Variants in LAMC3 observed in about 807,000 individuals in gnomAD.
The protein encoded by LAMC3 is laminin subunit gamma 3, also known as laminin subunit gamma-3.
In LAMC3, 128 loss-of-function variants were observed where a neutral mutation model predicts 173.8. The ratio of observed to expected loss-of-function variants is 0.74; its 90% confidence interval spans 0.64 to 0.85. The LOEUF (loss-of-function observed/expected upper bound fraction) is 0.85, where lower values mean the gene tolerates loss of function less well. Ranked by LOEUF, LAMC3 falls within the 40% of genes least tolerant of loss-of-function variation. The pLI, the probability that LAMC3 is intolerant of heterozygous loss-of-function variation, is 0.00. For synonymous variants in LAMC3, 897 were observed against 909.1 expected, an observed-to-expected ratio of 0.99 and a Z score of 0.24; for missense variants, 2,022 against 2,156.0, an observed-to-expected ratio of 0.94 and a Z score of 1.23.
intron 23 of LAMC3, 53 bp from the exon 24 acceptor site, chr9:131,082,006 T>C (rs748266649): frequency 3.3e-4 from 471 of 1,429,930 alleles, no homozygotes; most frequent in Non-Finnish European, 4.0e-4. Context: ...GAGCTGCCCC[T>C]GGGCCCTGCT....
At position 131,087,710 on chromosome 9, in the gene LAMC3, C is replaced by A. The variant is rs573976746; in HGVS notation, c.4378-8C>A. 6 of 1,613,876 alleles carry A rather than the reference C, an allele frequency of 3.7e-6. No homozygotes were observed. In the African/African-American group the frequency reaches 5.3e-5, roughly 14 times the overall value. On this transcript the variant is annotated splice_polypyrimidine_tract_variant and splice_region_variant and intron_variant, in intron 26 of 27. Coordinates refer to ENST00000361069, the MANE Select transcript of LAMC3 (RefSeq NM_006059.4). ...ATTCAAGCTGTTTCTTCCTCCTCCC[C>A]CTGAAAGGTGGGTGCTGGGCTGAGC...
chr9:131,032,299 G>T (rs1833839491), intron 3 of LAMC3, 124 bp downstream of exon 3: 5 of 843,324 alleles, frequency 5.9e-6, no homozygotes, highest in Non-Finnish European at 9.9e-6. Context: ...GGGAGAGGGA[G>T]GGAGCACCTG....
At chr9:131,017,131 G>A (rs571177880) in intron 1 of LAMC3, among the ~76,000 whole-genome samples, 4 of 152,282 alleles carry the variant, frequency 2.6e-5, no homozygotes, top group African/African-American at 7.2e-5. Context: ...GAACGAGGTG[G>A]GGGGCTGGCC....
intron 4 of LAMC3, 87 bp downstream of exon 4, chr9:131,036,419 G>GA: frequency 6.7e-7 from 1 of 1,502,140 alleles, no homozygotes; most frequent in Non-Finnish European, 9.1e-7. Context: ...TCGTGGTGGG[G>GA]GCTGCTCCTG....
intron 27 of LAMC3, among the ~76,000 whole-genome samples, chr9:131,089,656 G>A (rs915399566): frequency 1.3e-5 from 2 of 151,432 alleles, no homozygotes; most frequent in Non-Finnish European, 2.9e-5. Flanking sequence ...CCAAAGTGCT[G>A]GGATCACAAG....
At chr9:131,056,292 G>A (rs1447867695) in intron 11 of LAMC3, among the ~76,000 whole-genome samples, 1 of 152,084 alleles carries the variant, frequency 6.6e-6, no homozygotes, top group African/African-American at 2.4e-5. Context: ...AGTAGCCCAG[G>A]TGAGTTTCCT....
intron 11 of LAMC3, among the ~76,000 whole-genome samples, chr9:131,055,255 C>G (rs992519831): frequency 6.6e-6 from 1 of 152,070 alleles, no homozygotes; most frequent in Non-Finnish European, 1.5e-5. Flanking sequence ...TCGGCCGCCT[C>G]CAGTCTCCCT....
At chr9:131,066,514 A>G (rs898041159) in intron 13 of LAMC3, among the ~76,000 whole-genome samples, 1 of 151,610 alleles carries the variant, frequency 6.6e-6, no homozygotes, top group Non-Finnish European at 1.5e-5. Context: ...TAATAATAAT[A>G]ATATAAGGAT....
intron 1 of LAMC3, among the ~76,000 whole-genome samples, chr9:131,014,128 C>G (rs566211589): frequency 6.6e-6 from 1 of 152,358 alleles, no homozygotes; most frequent in South Asian, 2.1e-4. Flanking sequence ...CAGGACTAAT[C>G]CAGGAGATGC....
rs1193020713 is a variant in LAMC3, at chr9:131,068,818, A to G, written c.2748-90A>G. On this transcript the variant is annotated intron_variant, in intron 15 of 27. Transcript: ENST00000361069. ...GGGGTCTTGTCAGCAGAGGGCTGTG[A>G]TCTGAGGCCCCAGCCAGCTGCAGCC... 3 of 1,441,556 alleles carry G rather than the reference A, an allele frequency of 2.1e-6. No individual in the cohort carries two copies. In the Admixed American group the frequency reaches 5.3e-5, roughly 26 times the overall value. 89.3% of individuals were successfully genotyped at this position (1,441,556 alleles called of 1,614,324 possible).
chr9:131,069,801 G>A lies in LAMC3; in HGVS notation c.3020G>A (p.Gly1007Asp). ...CHDNFFLTAD[G>D]THCQQCPSCY... ...GACAACTTCTTCCTCACGGCAGACG[G>A]CACACACTGCCAGCAATGTCCGTCC... The change falls in exon 17 of 28, where the codon GGC (glycine) becomes GAC (aspartate). Residue 1007 changes from glycine (G) to aspartate (D), a missense_variant. Transcript: ENST00000361069. 1.9e-6 allele frequency: 3 copies of A among 1,593,952 alleles called. No homozygotes were observed. Among genetic ancestry groups the A allele is most frequent in the Admixed American group, 1.7e-5 (1 of 57,254 alleles).
chr9:131,031,896 T>C, intron 2 of LAMC3, 149 bp from the exon 3 acceptor site: 1 of 1,361,240 alleles, frequency 7.3e-7, no homozygotes, highest in East Asian at 2.3e-5. Flanking sequence ...TCCTTATTTC[T>C]GCAGTGTTCT....
intron 9 of LAMC3, among the ~76,000 whole-genome samples, chr9:131,050,652 C>T (rs1044483606): frequency 1.3e-5 from 2 of 152,020 alleles, no homozygotes; most frequent in Non-Finnish European, 2.9e-5. Context: ...TCTGTCATCC[C>T]AGCTACTCAG....
At chr9:131,079,408 T>C (rs1239132760) in intron 23 of LAMC3, 110 bp downstream of exon 23, 1 of 1,363,038 alleles carries the variant, frequency 7.3e-7, no homozygotes, top group Non-Finnish European at 1.0e-6. Context: ...GAAGTAGCTC[T>C]GTCCGGCCGG....
intron 25 of LAMC3, 130 bp from the exon 26 acceptor site, chr9:131,087,346 C>A: frequency 8.6e-7 from 1 of 1,169,516 alleles, no homozygotes; most frequent in Non-Finnish European, 1.3e-6. Flanking sequence ...ATATTTGTTG[C>A]GTGCATGAAT....
At position 131,085,472 on chromosome 9, in the gene LAMC3, C is replaced by T. The variant is rs979927193; in HGVS notation, c.4031-52C>T. On this transcript the variant is annotated intron_variant, in intron 24 of 27. Coordinates refer to ENST00000361069, the MANE Select transcript of LAMC3 (RefSeq NM_006059.4). ...GCTCTGCCAGCGGCTGCCTGGGAGG[C>T]ACCGGAGGTGTGAGCCCAGTTCCCC... 17 of 1,597,700 alleles carry T rather than the reference C, an allele frequency of 1.1e-5. No homozygotes were observed. In the East Asian group the frequency reaches 1.8e-4, roughly 17 times the overall value.
intron 21 of LAMC3, 50 bp downstream of exon 21, chr9:131,076,015 G>A: frequency 6.5e-7 from 1 of 1,538,586 alleles, no homozygotes; most frequent in East Asian, 2.3e-5. Context: ...GCCTCCTGGA[G>A]CCAACAGGGC....
At chr9:131,020,680 G>T (rs1833608639) in intron 1 of LAMC3, among the ~76,000 whole-genome samples, 1 of 152,190 alleles carries the variant, frequency 6.6e-6, no homozygotes, top group Non-Finnish European at 1.5e-5. Flanking sequence ...ACAGACGAGG[G>T]GCTGAGAGAA....
intron 7 of LAMC3, among the ~76,000 whole-genome samples, chr9:131,042,340 A>G (rs1416824827): frequency 1.3e-5 from 2 of 152,014 alleles, no homozygotes; most frequent in Non-Finnish European, 2.9e-5. Context: ...CAGCACTGTC[A>G]ATACACCCCT....
Sources: gnomAD v4.1 joint callset for allele counts (sites outside exome capture counted in the v4.1 genomes callset) on GRCh38, gnomAD v4.1.1 for gene constraint, MANE v1.5 for transcripts, NCBI Gene and HGNC (gene_info 2026-07-23, HGNC 2026-07-21) for gene names.